Variants in BSN observed in about 807,000 individuals in gnomAD.
The protein encoded by BSN is protein bassoon.
A neutral mutation model predicts 264.8 loss-of-function variants in BSN; 57 were observed. The observed-to-expected ratio is 0.22, with a 90% CI of 0.17 to 0.27. The LOEUF is 0.27. Ranked by LOEUF, BSN falls within the 10% of genes least tolerant of loss-of-function variation. BSN has a pLI of 1.00. For missense variants in BSN, 4,615 were observed against 5,232.5 expected, an observed-to-expected ratio of 0.88 and a Z score of 3.64; for synonymous variants, 2,059 against 2,137.3, an observed-to-expected ratio of 0.96 and a Z score of 1.01.
At chr3:49,666,644 A>G (rs4855884) in intron 11 of BSN, among the ~76,000 whole-genome samples, 81,684 of 151,904 alleles carry the variant, frequency 0.54, 23,030 homozygotes, top group East Asian at 0.95. Flanking sequence ...GAGGAGGACG[A>G]CTGCGGTGGG....
chr3:49,572,210 A>G (rs2051802312), intron 1 of BSN, among the ~76,000 whole-genome samples: 1 of 152,230 alleles, frequency 6.6e-6, no homozygotes, highest in South Asian at 2.1e-4. Context: ...AATCTGACAT[A>G]AAAACTTTTT....
chr3:49,590,619 A>G (rs1392129759), intron 1 of BSN, among the ~76,000 whole-genome samples: 16 of 152,104 alleles, frequency 1.1e-4, no homozygotes, highest in Admixed American at 1.0e-3. Flanking sequence ...ACTTAATTCC[A>G]GTGAAATATA....
chr3:49,663,361 C>A lies in BSN; in HGVS notation c.11203C>A (p.Leu3735Met). ...GCAAGCCCACTCCGGGCCCGCTGCA[C>A]TGCAGTCAAAGGCAGAACCCCAGGC... The part of the protein sequence containing the change: ...SRQAHSGPAA[L>M]QSKAEPQAQP... Residue 3735 changes from leucine (L) to methionine (M), a missense_variant, in exon 7 of 12, where the codon CTG (leucine) becomes ATG (methionine). Physicochemically the swap from Leu to Met is conservative, Grantham distance 15. Around this residue, in one of 3 missense-constraint regions of BSN, gnomAD observed 3,415 missense variants for 3,866.4 expected, o/e 0.88. Coordinates refer to ENST00000296452, the MANE Select transcript of BSN (RefSeq NM_003458.4). 1 of 1,613,486 alleles carries A rather than the reference C, an allele frequency of 6.2e-7. No individual in the cohort carries two copies. Among genetic ancestry groups the A allele is most frequent in the South Asian group, 1.1e-5 (1 of 91,092 alleles).
At chr3:49,623,939 T>C (rs1487855086) in intron 1 of BSN, among the ~76,000 whole-genome samples, 2 of 152,254 alleles carry the variant, frequency 1.3e-5, no homozygotes, top group Non-Finnish European at 2.9e-5. Flanking sequence ...CATAGATTTT[T>C]ATGTAATTCG....
At position 49,625,274 on chromosome 3, in the gene BSN, C is replaced by T. The variant is rs779626355; in HGVS notation, c.524C>T (p.Thr175Ile). 1.1e-5 allele frequency: 17 copies of T among 1,603,918 alleles called. No homozygotes were observed. The highest frequency in any genetic ancestry group is 4.5e-5 in the East Asian group (2 of 44,212). The change falls in exon 2 of 12, where the codon ACT (threonine) becomes ATT (isoleucine). Residue 175 changes from threonine (T) to isoleucine (I), a missense_variant. Thr to Ile is a moderately conservative substitution (Grantham distance 89). Around this residue, in one of 3 missense-constraint regions of BSN, gnomAD observed 1,197 missense variants for 1,348.0 expected, o/e 0.89. Transcript: ENST00000296452. The surrounding 1 kb of genome is among the most constrained non-coding windows in gnomAD (Gnocchi z 4.4). ...AGCACGCTGTGTCCCATATGCAAGA[C>T]TTCGGACCTCACGTCGACCCCCAGC... ...PSSTLCPICK[T>I]SDLTSTPSQP...
chr3:49,603,632 G>A (rs2052088778), intron 1 of BSN, among the ~76,000 whole-genome samples: 1 of 152,160 alleles, frequency 6.6e-6, no homozygotes, highest in African/African-American at 2.4e-5. Context: ...ACAAGGTGAG[G>A]ATCTCTGCAG....
intron 1 of BSN, among the ~76,000 whole-genome samples, chr3:49,619,254 G>A (rs2052284509): frequency 6.6e-6 from 1 of 152,234 alleles, no homozygotes; most frequent in African/African-American, 2.4e-5. Context: ...TGGTTGTTGT[G>A]CATGTGCTTA....
downstream of BSN, among the ~76,000 whole-genome samples, chr3:49,671,999 A>C: frequency 7.3e-6 from 1 of 136,640 alleles, no homozygotes; most frequent in African/African-American, 2.7e-5. The surrounding 1 kb of genome is among the most constrained non-coding windows in gnomAD (Gnocchi z 4.1). Context: ...GTACCTCCTT[A>C]CCGAAGTCAC....
chr3:49,637,250 G>T (rs569961032), intron 2 of BSN, among the ~76,000 whole-genome samples: 2 of 152,288 alleles, frequency 1.3e-5, no homozygotes, highest in Non-Finnish European at 2.9e-5. Context: ...TGCTGGGGGG[G>T]TGAGAGGAGG....
chr3:49,662,730 C>T (rs928078554), intron 6 of BSN, 146 bp from the exon 7 acceptor site: 46 of 435,208 alleles, frequency 1.1e-4, no homozygotes, highest in African/African-American at 5.5e-4. Flanking sequence ...TGCCCTGGTC[C>T]GTGGTTGCGG....
intron 10 of BSN, 61 bp downstream of exon 10, chr3:49,664,914 G>T: frequency 7.4e-7 from 1 of 1,348,122 alleles, no homozygotes; most frequent in South Asian, 1.2e-5. Flanking sequence ...CTGGGGGTGG[G>T]GGTGGGGCTC....
chr3:49,558,968 C>G (rs2051693714), intron 1 of BSN, among the ~76,000 whole-genome samples: 1 of 152,134 alleles, frequency 6.6e-6, no homozygotes, highest in African/African-American at 2.4e-5. Flanking sequence ...GCTCTGTCGC[C>G]CAGGCTGGAG....
At chr3:49,564,109 G>T (rs1256222782) in intron 1 of BSN, among the ~76,000 whole-genome samples, 1 of 152,154 alleles carries the variant, frequency 6.6e-6, no homozygotes, top group Non-Finnish European at 1.5e-5. Context: ...AGCCTGGACT[G>T]CCCTGCCCAA....
chr3:49,637,262 G>A (rs558744970), intron 2 of BSN, among the ~76,000 whole-genome samples: 2 of 152,124 alleles, frequency 1.3e-5, no homozygotes, highest in Non-Finnish European at 2.9e-5. Flanking sequence ...GAGAGGAGGC[G>A]AGTGGGAAGA....
In BSN at chr3:49,652,992, C is replaced by A. The variant is rs1397637831; in HGVS notation, c.3436C>A (p.Leu1146Ile). The change falls in exon 5 of 12, where the codon CTT (leucine) becomes ATT (isoleucine). Residue 1146 changes from leucine to isoleucine, a missense_variant. By Grantham distance (5) the Leu-to-Ile change is conservative (BLOSUM62 2). Transcript: ENST00000296452. ...AEALDGGPSRLYKSGSEYNLP... is the reference protein window; with the variant it reads ...AEALDGGPSRIYKSGSEYNLP... ...GGCCTTGGATGGTGGCCCTAGCCGG[C>A]TTTACAAGTCAGGCAGTGAGTACAA... The A allele has an allele frequency of 6.2e-7, 1 of 1,613,424 alleles. No individual in the cohort carries two copies. Among genetic ancestry groups the A allele is most frequent in the South Asian group, 1.1e-5 (1 of 91,070 alleles).
At chr3:49,659,364 A>G (rs11718165) in intron 5 of BSN, among the ~76,000 whole-genome samples, 40,895 of 152,046 alleles carry the variant, frequency 0.27, 6,031 homozygotes, top group Middle Eastern at 0.3. Context: ...CGTGGCCAAA[A>G]TAAGAAAAGA....
intron 6 of BSN, 55 bp from the exon 7 acceptor site, chr3:49,662,821 C>A (rs2052672838): frequency 2.0e-6 from 3 of 1,514,940 alleles, no homozygotes; most frequent in Non-Finnish European, 2.6e-6. Context: ...TTCAGCTAGG[C>A]CTCCCCCTGC....
intron 1 of BSN, among the ~76,000 whole-genome samples, chr3:49,605,431 A>ATATATATTATATAATATATAT: frequency 4.9e-5 from 1 of 20,488 alleles, no homozygotes; most frequent in South Asian, 1.8e-3. Flanking sequence ...TTTATATATA[A>ATATATATTATATAATATATAT]TATATATTAT....
intron 2 of BSN, among the ~76,000 whole-genome samples, chr3:49,627,047 G>A (rs564892155): frequency 3.0e-4 from 46 of 152,382 alleles, no homozygotes; most frequent in African/African-American, 1.1e-3. Flanking sequence ...TGAGGCTCAG[G>A]GCCAGGAGAA....
Sources: gnomAD v4.1 joint callset for allele counts (sites outside exome capture counted in the v4.1 genomes callset) on GRCh38, gnomAD v4.1.1 for gene constraint, gnomAD v4.1.1 regional missense constraint, Gnocchi (gnomAD v3.1) non-coding constraint, MANE v1.5 for transcripts, NCBI Gene and HGNC (gene_info 2026-07-23, HGNC 2026-07-21) for gene names.